Variants in OTOGL observed in about 807,000 individuals in gnomAD.
OTOGL encodes the protein otogelin-like protein.
A neutral mutation model predicts 318.5 loss-of-function variants in OTOGL; 285 were observed. The observed-to-expected ratio is 0.89, with a 90% confidence interval of 0.81 to 0.99. The LOEUF (loss-of-function observed/expected upper bound fraction) is 0.99, where lower values mean the gene tolerates loss of function less well. Among genes scored for constraint, OTOGL ranks in the 50% least tolerant of loss-of-function variants. The pLI, the probability that OTOGL is intolerant of heterozygous loss-of-function variation, is 0.00. For missense variants in OTOGL, 2,899 were observed against 2,845.6 expected, an observed-to-expected ratio of 1.02 and a Z score of -0.43; for synonymous variants, 987 against 936.5, an observed-to-expected ratio of 1.05 and a Z score of -0.99.
intron 22 of OTOGL, among the ~76,000 whole-genome samples, chr12:80,267,824 C>A (rs1219208053): frequency 6.6e-6 from 1 of 151,334 alleles, no homozygotes; most frequent in African/African-American, 2.4e-5. Flanking sequence ...AGTGAAATAA[C>A]CAAGTTTTGT....
intron 26 of OTOGL, among the ~76,000 whole-genome samples, chr12:80,282,401 G>A (rs73358963): frequency 0.18 from 27,953 of 151,692 alleles, 3,122 homozygotes; most frequent in African/African-American, 0.3. Context: ...TATGTTTTAC[G>A]TCATTGGATT....
chr12:80,159,655 T>G (rs920657826), intron 1 of OTOGL, among the ~76,000 whole-genome samples: 13 of 152,072 alleles, frequency 8.5e-5, no homozygotes, highest in Non-Finnish European at 1.2e-4. Context: ...GAATCAATAT[T>G]GTGAAAATGA....
chr12:80,145,401 T>C (rs2137152108), intron 1 of OTOGL, among the ~76,000 whole-genome samples: 1 of 152,176 alleles, frequency 6.6e-6, no homozygotes, highest in South Asian at 2.1e-4. Context: ...GGCTCTGTTC[T>C]GTTCCATTGA....
chr12:80,194,477 T>C (rs1356722058), intron 1 of OTOGL, among the ~76,000 whole-genome samples: 4 of 152,144 alleles, frequency 2.6e-5, no homozygotes, highest in Non-Finnish European at 4.4e-5. Flanking sequence ...CCAAGAGTAA[T>C]ATAAGACTTA....
intron 45 of OTOGL, 142 bp from the exon 46 acceptor site, chr12:80,353,183 C>A (rs1054616616): frequency 3.3e-5 from 18 of 545,924 alleles, no homozygotes; most frequent in Non-Finnish European, 5.0e-5. Context: ...TTTATGGTTA[C>A]AGAGTAAGTG....
intron 1 of OTOGL, chr12:80,208,327 T>C: frequency 2.3e-6 from 1 of 441,150 alleles, no homozygotes; most frequent in Non-Finnish European, 4.5e-6. Context: ...CAAGAATACT[T>C]AATAGAAAAG....
chr12:80,352,520 T>G, intron 45 of OTOGL, 84 bp downstream of exon 45: 1 of 1,162,912 alleles, frequency 8.6e-7, no homozygotes, highest in Non-Finnish European at 1.2e-6. Flanking sequence ...TTCTTTTTTA[T>G]CATGAACTAA....
chr12:80,327,958 C>CAAAAAAAAAAAAAAA (rs397687373), intron 35 of OTOGL, among the ~76,000 whole-genome samples: 10 of 30,946 alleles, frequency 3.2e-4, no homozygotes, highest in African/African-American at 1.9e-3. Context: ...GACTCTGTCT[C>CAAAAAAAAAAAAAAA]AAAAAAAAAA....
At chr12:80,294,560 C>A (rs1018371686) in intron 26 of OTOGL, among the ~76,000 whole-genome samples, 1 of 152,008 alleles carries the variant, frequency 6.6e-6, no homozygotes, top group Non-Finnish European at 1.5e-5. Context: ...CTTATTATTT[C>A]TCAAAAGGAT....
intron 26 of OTOGL, among the ~76,000 whole-genome samples, chr12:80,286,184 T>A (rs1007619410): frequency 2.2e-4 from 34 of 152,192 alleles, no homozygotes; most frequent in African/African-American, 8.2e-4. Context: ...TTTATTGATT[T>A]GTGTATGTTG....
chr12:80,339,774 G>A (rs1318567403), intron 43 of OTOGL, among the ~76,000 whole-genome samples: 1 of 151,994 alleles, frequency 6.6e-6, no homozygotes, highest in Non-Finnish European at 1.5e-5. Context: ...ATTTGTCCTA[G>A]TTTTATTATG....
intron 1 of OTOGL, among the ~76,000 whole-genome samples, chr12:80,128,498 TGAG>T (rs993878816): frequency 6.6e-6 from 1 of 152,194 alleles, no homozygotes; most frequent in African/African-American, 2.4e-5. Flanking sequence ...GGGACCCACT[TGAG>T]GAGGCAGTCT....
rs925819535 is a variant in OTOGL at position 80,271,804 on chromosome 12, C to T, written c.2675C>T (p.Ala892Val). Residue 892 changes from alanine (A) to valine (V), a missense_variant, in exon 24 of 59, where the codon GCT becomes GTT. Physicochemically the swap from Ala to Val is moderately conservative, Grantham distance 64 (BLOSUM62 0). Coordinates refer to ENST00000547103, the MANE Select transcript of OTOGL (RefSeq NM_001378609.3). ...SSPCISGCVC[A>V]PGMAEHRGKC... ...CCCTGTATAAGTGGCTGTGTTTGTGCTCCAGGGTAAGCCTCTTCTTCATAA... is the reference window on the plus strand; with the variant it reads ...CCCTGTATAAGTGGCTGTGTTTGTGTTCCAGGGTAAGCCTCTTCTTCATAA... 10 of 1,612,058 alleles carry T rather than the reference C, an allele frequency of 6.2e-6. No individual in the cohort carries two copies. The African/African-American group carries it at 6.7e-5, about 11-fold the overall frequency.
chr12:80,353,447 T>G lies in OTOGL; in HGVS notation c.5530T>G (p.Cys1844Gly). 6.2e-7 allele frequency: 1 copy of G among 1,604,410 alleles called. No individual in the cohort carries two copies. Among genetic ancestry groups the G allele is most frequent in the Non-Finnish European group, 8.5e-7 (1 of 1,175,060 alleles). Residue 1844 changes from cysteine (C) to glycine (G), a missense_variant, in exon 46 of 59, where the codon TGC (cysteine) becomes GGC (glycine). Cys to Gly is a radical substitution (Grantham distance 159). This residue lies in a region of OTOGL where 2,607 missense variants were observed against 2,524.9 expected (regional missense o/e 1.03). Transcript: ENST00000547103. ...TTTGAATCTAAGAGAAGACTGTGTG[T>G]GCAAAGTTGGAACTATTCTTCACAG... ...SCLNLREDCVCKVGTILHRPH... is the reference protein window; with the variant it reads ...SCLNLREDCVGKVGTILHRPH...
rs775258536 is a variant in OTOGL at position 80,239,365 on chromosome 12, G to A, written c.978G>A (p.Gln326=). 52 of 1,610,452 alleles carry A rather than the reference G, an allele frequency of 3.2e-5. No homozygotes were observed. Among genetic ancestry groups the A allele is most frequent in the Non-Finnish European group, 4.3e-5 (51 of 1,178,364 alleles). ...AIFFKCQILL[Q]FPFLSCHEYI... is the part of the protein sequence containing the mutation. ...TCTTCAAGTGTCAGATACTGTTGCA[G>A]TTTCCTTTTCTGAGCTGCCATGAGT... The change falls in exon 11 of 59, where the codon CAG becomes CAA. Residue 326 remains glutamine (Q), a synonymous_variant. Coordinates refer to ENST00000547103, the MANE Select transcript of OTOGL (RefSeq NM_001378609.3).
intron 1 of OTOGL, among the ~76,000 whole-genome samples, chr12:80,203,643 C>T (rs12367130): frequency 2.7e-4 from 41 of 152,238 alleles, no homozygotes; most frequent in Admixed American, 9.2e-4. Context: ...ACTTCATTTT[C>T]CTGAACAGCA....
Position 80,356,792 on chromosome 12 carries a change from A to AT in OTOGL, c.5912-11dup. On this transcript the variant is annotated splice_polypyrimidine_tract_variant and intron_variant, in intron 48 of 58. Transcript: ENST00000547103. ...TATGCTATACAAATTTTCTAATGTA[A>AT]TTTTGTTTCTGCAGAATGTGACCCA... is the stretch of plus-strand genomic sequence containing the variant. 1 of 1,525,832 alleles carries AT rather than the reference A, an allele frequency of 6.6e-7. No homozygotes were observed. The highest frequency in any genetic ancestry group is 8.9e-7 in the Non-Finnish European group (1 of 1,121,472). 94.5% of individuals were successfully genotyped at this position (1,525,832 alleles called of 1,614,324 possible).
At chr12:80,282,450 T>A (rs1161797598) in intron 26 of OTOGL, among the ~76,000 whole-genome samples, 2 of 151,930 alleles carry the variant, frequency 1.3e-5, no homozygotes, top group Non-Finnish European at 2.9e-5. Flanking sequence ...TTATGAATGG[T>A]TTTAAGTTTC....
intron 52 of OTOGL, among the ~76,000 whole-genome samples, chr12:80,360,226 A>G (rs1181786166): frequency 7.9e-5 from 12 of 152,278 alleles, no homozygotes; most frequent in African/African-American, 2.9e-4. Context: ...TATAAGTATT[A>G]GTTTTTTTGA....
Sources: gnomAD v4.1 joint callset for allele counts (sites outside exome capture counted in the v4.1 genomes callset) on GRCh38, gnomAD v4.1.1 for gene constraint, gnomAD v4.1.1 regional missense constraint, MANE v1.5 for transcripts, NCBI Gene and HGNC (gene_info 2026-07-23, HGNC 2026-07-21) for gene names.